The following SLC13A1 variants were observed in gnomAD, a reference collection of about 807,000 sequenced individuals.
The protein encoded by SLC13A1 is Na(+)/sulfate cotransporter.
In SLC13A1, 65 loss-of-function variants were observed where a neutral mutation model predicts 70.0. That is an observed-to-expected ratio of 0.93 (90% confidence interval 0.76 to 1.14). SLC13A1 has a LOEUF of 1.14. Ranked by LOEUF, SLC13A1 falls within the 50% of genes most tolerant of loss-of-function variation. The pLI is 0.00. For synonymous variants in SLC13A1, 275 were observed against 250.5 expected (o/e 1.10, Z -0.92); for missense variants, 726 against 717.8 (o/e 1.01, Z -0.13).
intron 7 of SLC13A1, among the ~76,000 whole-genome samples, chr7:123,141,914 C>T (rs1047792148): frequency 6.6e-6 from 1 of 152,150 alleles, no homozygotes; most frequent in Admixed American, 6.5e-5. Flanking sequence ...AGAGTTTAGT[C>T]CACTTACATT....
At position 123,123,084 on chromosome 7, in the gene SLC13A1, C is replaced by T. The variant is rs1180056770; in HGVS notation, c.1350+42G>A. On this transcript the variant is annotated intron_variant, in intron 12 of 14. Transcript: ENST00000194130. ...AATGTCTCTGTGCTCTTCTTTTGAA[C>T]AGTCTGGTTAATTGTTAAATATCTT... 8 of 1,367,384 alleles carry T rather than the reference C, an allele frequency of 5.9e-6. No homozygotes were observed. In the Middle Eastern group the frequency reaches 7.1e-4, roughly 122 times the overall value. The allele number at this position is 1,367,384 out of a possible 1,614,324, so 84.7% of individuals were successfully genotyped here.
intron 7 of SLC13A1, 132 bp downstream of exon 7, chr7:123,147,027 A>C: frequency 9.6e-6 from 8 of 830,200 alleles, no homozygotes; most frequent in East Asian, 5.3e-5. Context: ...AGATCTATAG[A>C]TGTCCTGAAG....
chr7:123,138,310 C>T (rs549755224), intron 7 of SLC13A1, among the ~76,000 whole-genome samples: 6 of 152,232 alleles, frequency 3.9e-5, no homozygotes, highest in South Asian at 4.1e-4. Context: ...TTCATCCATC[C>T]GTTGATAGGC....
At chr7:123,197,698 G>C (rs186444161) in intron 1 of SLC13A1, among the ~76,000 whole-genome samples, 49 of 152,162 alleles carry the variant, frequency 3.2e-4, no homozygotes, top group African/African-American at 1.1e-3. Flanking sequence ...AAGGAAAGAG[G>C]AACCAGCTCA....
chr7:123,146,979 C>A (rs1472601062), intron 7 of SLC13A1, among the ~76,000 whole-genome samples, 180 bp downstream of exon 7: 1 of 152,142 alleles, frequency 6.6e-6, no homozygotes, highest in African/African-American at 2.4e-5. Context: ...ATTCAGTATT[C>A]CCTGAATATT....
chr7:123,143,024 T>C (rs947325052), intron 7 of SLC13A1, among the ~76,000 whole-genome samples: 1 of 152,110 alleles, frequency 6.6e-6, no homozygotes. Flanking sequence ...AATGTCGTCC[T>C]AAAGCTAGAG....
intron 2 of SLC13A1, among the ~76,000 whole-genome samples, chr7:123,179,975 A>T (rs974057545): frequency 6.6e-6 from 1 of 152,150 alleles, no homozygotes; most frequent in Non-Finnish European, 1.5e-5. Flanking sequence ...AATAGATTAT[A>T]GCTCTGAGAT....
rs370428131 is a variant in SLC13A1 at position 123,188,439 on chromosome 7, T to C, written c.100-7338A>G. 5.9e-5 allele frequency among the ~76,000 whole-genome samples: 9 copies of C among 152,326 alleles called. No individual in the cohort carries two copies. The South Asian group carries it at 6.2e-4, about 11-fold the overall frequency. On this transcript the variant is annotated intron_variant, in intron 1 of 14. Coordinates refer to ENST00000194130, the MANE Select transcript of SLC13A1 (RefSeq NM_022444.4). ...GTTCAGAAATTCCATTTCACCATCC[T>C]TGGTATATGGGATTAATTTATTCAT... is the stretch of plus-strand genomic sequence containing the variant.
intron 6 of SLC13A1, among the ~76,000 whole-genome samples, chr7:123,157,165 C>T (rs1794739477): frequency 6.6e-6 from 1 of 151,988 alleles, no homozygotes; most frequent in Non-Finnish European, 1.5e-5. Context: ...AAGTGAATAG[C>T]AAGAAATTGT....
chr7:123,123,225 A>G lies in SLC13A1; in HGVS notation c.1251T>C (p.Asp417=). 1.2e-6 allele frequency: 2 copies of G among 1,611,312 alleles called. No individual in the cohort carries two copies. Among genetic ancestry groups the G allele is most frequent in the Non-Finnish European group, 1.7e-6 (2 of 1,177,618 alleles). The change falls in exon 12 of 15, where the codon GAT becomes GAC. Residue 417 remains aspartate (D), a synonymous_variant. Coordinates refer to ENST00000194130, the MANE Select transcript of SLC13A1 (RefSeq NM_022444.4). The stretch of plus-strand genomic sequence containing the variant: ...CTTTCCAAGTAATCAGTGGAGAGTA[A>G]TCAAAAGCAACTGCAAAACAAAAAT... ...TTPTGEIVAF[D]YSPLITWKEF... is the part of the protein sequence containing the mutation.
At chr7:123,140,765 A>G (rs1794108806) in intron 7 of SLC13A1, among the ~76,000 whole-genome samples, 1 of 152,052 alleles carries the variant, frequency 6.6e-6, no homozygotes, top group South Asian at 2.1e-4. Context: ...AGTATCAGCT[A>G]TAATTACTCC....
At chr7:123,128,771 A>G (rs1284328203) in intron 10 of SLC13A1, 74 bp downstream of exon 10, 6 of 909,356 alleles carry the variant, frequency 6.6e-6, no homozygotes, top group Non-Finnish European at 1.0e-5. Flanking sequence ...ATCTTTCAGA[A>G]TTACAGGAAC....
At chr7:123,194,964 T>C (rs760926448) in intron 1 of SLC13A1, among the ~76,000 whole-genome samples, 4 of 152,140 alleles carry the variant, frequency 2.6e-5, no homozygotes, top group Non-Finnish European at 5.9e-5. Flanking sequence ...GATGATTTCT[T>C]TAAATTATTC....
intron 1 of SLC13A1, among the ~76,000 whole-genome samples, chr7:123,189,128 A>AAG (rs1239901994): frequency 8.6e-5 from 13 of 150,694 alleles, no homozygotes; most frequent in Admixed American, 4.0e-4. Context: ...AAAAAAAAAA[A>AAG]AAAAGAAAGA....
chr7:123,148,302 T>C (rs776133892), intron 6 of SLC13A1: 12 of 306,470 alleles, frequency 3.9e-5, no homozygotes, highest in Non-Finnish European at 7.1e-5. Flanking sequence ...GACTACACTA[T>C]GTTCATGAAT....
chr7:123,191,024 T>C (rs1462466345), intron 1 of SLC13A1, among the ~76,000 whole-genome samples: 1 of 152,246 alleles, frequency 6.6e-6, no homozygotes, highest in Non-Finnish European at 1.5e-5. Flanking sequence ...TGTCTTATTG[T>C]ATTTTGAAAT....
At chr7:123,130,968 C>T (rs866617953) in intron 8 of SLC13A1, among the ~76,000 whole-genome samples, 16 of 152,168 alleles carry the variant, frequency 1.1e-4, no homozygotes, top group Middle Eastern at 6.8e-3. Context: ...TAAAAAAATT[C>T]CTCCAGAGGA....
In SLC13A1 at chr7:123,117,506, C is replaced by A. The variant is rs1300661475; in HGVS notation, c.1615G>T (p.Val539Phe). 3 of 1,612,904 alleles carry A rather than the reference C, an allele frequency of 1.9e-6. No homozygotes were observed. The highest frequency in any genetic ancestry group is 2.5e-6 in the Non-Finnish European group (3 of 1,179,474). ...LPVANPPNAIVFSYGHLKVID... is the reference protein window; with the variant it reads ...LPVANPPNAIFFSYGHLKVID... ...ACTTTCAGATGACCATATGAAAAGA[C>A]AATAGCATTGGGTGGATTTGCTACT... is the stretch of plus-strand genomic sequence containing the variant. Residue 539 changes from valine to phenylalanine, a missense_variant, in exon 14 of 15, where the codon GTC (valine) becomes TTC (phenylalanine). Physicochemically the swap from Val to Phe is conservative, Grantham distance 50. Coordinates refer to ENST00000194130, the MANE Select transcript of SLC13A1 (RefSeq NM_022444.4).
In SLC13A1 at chr7:123,161,858, G is replaced by A. The variant is rs180827321; in HGVS notation, c.660+6516C>T. Reference sequence around the variant, plus strand: ...TTCTGTAAGGAAAAGAGATAGGCTCGTGTAGATTTTAGAAATCATTATGTT... The same window carrying A: ...TTCTGTAAGGAAAAGAGATAGGCTCATGTAGATTTTAGAAATCATTATGTT... On this transcript the variant is annotated intron_variant, in intron 6 of 14. Coordinates refer to ENST00000194130, the MANE Select transcript of SLC13A1 (RefSeq NM_022444.4). Among the ~76,000 whole-genome samples, 447 of 152,212 alleles carry A rather than the reference G, an allele frequency of 2.9e-3. 1 individual carries two copies. Among genetic ancestry groups the A allele is most frequent in the Non-Finnish European group, 4.7e-3 (318 of 68,000 alleles).
Sources: allele counts gnomAD v4.1 joint callset (sites outside exome capture counted in the v4.1 genomes callset), GRCh38; gene constraint gnomAD v4.1.1; transcripts MANE v1.5; gene names NCBI Gene and HGNC (gene_info 2026-07-23, HGNC 2026-07-21).